MMP10: variants seen among roughly 807,000 people sequenced by gnomAD.
MMP10 encodes stromelysin-2.
A neutral mutation model predicts 49.1 loss-of-function variants in MMP10; 50 were observed. That is an observed-to-expected ratio of 1.02 (90% CI 0.81 to 1.29). MMP10 has a LOEUF of 1.29. Ranked by LOEUF, MMP10 falls within the 50% of genes most tolerant of loss-of-function variation. MMP10 has a pLI of 0.00. For synonymous variants in MMP10, 229 were observed against 201.6 expected, an observed-to-expected ratio of 1.14 and a Z score of -1.15; for missense variants, 613 against 563.8, an observed-to-expected ratio of 1.09 and a Z score of -0.88.
At chr11:102,778,590 T>C (rs1857778363) in intron 4 of MMP10, 34 bp downstream of exon 4, 2 of 1,610,356 alleles carry the variant, frequency 1.2e-6, no homozygotes, top group Middle Eastern at 1.7e-4. Flanking sequence ...TTGGACATTA[T>C]TCCTGAAATG....
chr11:102,771,011 T>C, intron 9 of MMP10, 118 bp from the exon 10 acceptor site: 1 of 649,778 alleles, frequency 1.5e-6, no homozygotes, highest in Non-Finnish European at 2.6e-6. Flanking sequence ...GATTACTCTA[T>C]GCCAAGCACT....
rs760857669 is a variant in MMP10, at chr11:102,778,692, G to T, written c.554C>A (p.Pro185Gln). The T allele has an allele frequency of 3.7e-6, 6 of 1,613,946 alleles. No individual in the cohort carries two copies. The highest frequency in any genetic ancestry group is 1.7e-4 in the Middle Eastern group (1 of 6,058). Residue 185 changes from proline to glutamine, a missense_variant, in exon 4 of 10, where the codon CCA becomes CAA. Coordinates refer to ENST00000279441, the MANE Select transcript of MMP10 (RefSeq NM_002425.3). ...GPGHSLAHAY[P>Q]PGPGLYGDIH... ...ATCTCCATAAAGCCCAGGTCCAGGT[G>T]GGTAGGCATGAGCCAAACTGTGTCC...
chr11:102,779,798 C>A, intron 1 of MMP10, 53 bp from the exon 2 acceptor site: 1 of 1,563,672 alleles, frequency 6.4e-7, no homozygotes. Context: ...ATCATTTATC[C>A]AACTTTTATA....
In MMP10 at chr11:102,779,376, T is replaced by A; in HGVS notation, c.348-15A>T. The A allele has an allele frequency of 6.2e-7, 1 of 1,612,650 alleles. No individual in the cohort carries two copies. Among genetic ancestry groups the A allele is most frequent in the Non-Finnish European group, 8.5e-7 (1 of 1,179,652 alleles). The stretch of plus-strand genomic sequence containing the variant: ...AATTCACAATCCTGGAGGAGAAAAA[T>A]TGAAGAGGATGTTATTTTCTCCTGC... On this transcript the variant is annotated splice_polypyrimidine_tract_variant and intron_variant, in intron 2 of 9. Coordinates refer to ENST00000279441, the MANE Select transcript of MMP10 (RefSeq NM_002425.3).
chr11:102,779,655 T>G lies in MMP10; in HGVS notation c.196A>C (p.Met66Leu), dbSNP rs1565456020. ...SNLIVKKIQGMQKFLGLEVTG... is the reference protein window; with the variant it reads ...SNLIVKKIQGLQKFLGLEVTG... ...ACCTCCAACCCAAGGAACTTCTGCA[T>G]TCCTTGGATTTTTTTAACAATGAGA... The change falls in exon 2 of 10, where the codon ATG becomes CTG. Residue 66 changes from methionine (M) to leucine (L), a missense_variant. Physicochemically the swap from Met to Leu is conservative, Grantham distance 15. Transcript: ENST00000279441. 6.2e-7 allele frequency: 1 copy of G among 1,614,014 alleles called. No individual in the cohort carries two copies. Among genetic ancestry groups the G allele is most frequent in the Non-Finnish European group, 8.5e-7 (1 of 1,179,986 alleles).
Position 102,772,746 on chromosome 11 carries a change from A to G in MMP10, c.1226+101T>C. ...TCATAATCATAAATTTTGAAGTTAGAGAAAGTTAGAGGGTGGGTGTAGGGT... is the reference window on the plus strand; with the variant it reads ...TCATAATCATAAATTTTGAAGTTAGGGAAAGTTAGAGGGTGGGTGTAGGGT... On this transcript the variant is annotated intron_variant, in intron 8 of 9. Coordinates refer to ENST00000279441, the MANE Select transcript of MMP10 (RefSeq NM_002425.3). The surrounding 1 kb of genome is among the most constrained non-coding windows in gnomAD (Gnocchi z 4.4). 8.0e-7 allele frequency: 1 copy of G among 1,243,526 alleles called. No individual in the cohort carries two copies. The highest frequency in any genetic ancestry group is 1.1e-6 in the Non-Finnish European group (1 of 902,172). The allele number at this position is 1,243,526 out of a possible 1,614,324, so 77.0% of individuals were successfully genotyped here. A position where few individuals can be genotyped will look rare whatever the true frequency, so the allele number is the denominator to read the frequency against.
intron 4 of MMP10, among the ~76,000 whole-genome samples, chr11:102,778,105 A>G (rs1857771027): frequency 6.6e-6 from 1 of 152,218 alleles, no homozygotes; most frequent in Non-Finnish European, 1.5e-5. Context: ...TTTCCAAGCC[A>G]ATTTAGGGCG....
rs17435959 is a variant in MMP10 at position 102,780,582 on chromosome 11, G to C, written c.10C>G (p.Leu4Val). The change falls in exon 1 of 10, where the codon CTT (leucine) becomes GTT (valine). Residue 4 changes from leucine to valine, a missense_variant. Coordinates refer to ENST00000279441, the MANE Select transcript of MMP10 (RefSeq NM_002425.3). MMH[L>V]AFLVLLCLPV... ...AGACACAACAGCACAAGGAATGCAA[G>C]ATGCATCATTCTCACTGCCCTTACC... 0.041 allele frequency: 66,825 copies of C among 1,613,382 alleles called. 2,113 individuals are homozygous for C. The highest frequency in any genetic ancestry group is 0.16 in the African/African-American group (12,167 of 74,972).
chr11:102,775,123 C>G, intron 7 of MMP10, 65 bp downstream of exon 7: 1 of 1,268,394 alleles, frequency 7.9e-7, no homozygotes, highest in Non-Finnish European at 1.0e-6. Flanking sequence ...GGATAAAACT[C>G]ATGTCAATAA....
Position 102,776,284 on chromosome 11 carries a change from C to G in MMP10, c.928G>C (p.Asp310His), listed in dbSNP as rs1229689684. The change falls in exon 6 of 10, where the codon GAC becomes CAC. Residue 310 changes from aspartate to histidine, a missense_variant. Physicochemically the swap from Asp to His is moderately conservative, Grantham distance 81. Coordinates refer to ENST00000279441, the MANE Select transcript of MMP10 (RefSeq NM_002425.3). ...TLRGEYLFFK[D>H]RYFWRRSHWN... The stretch of plus-strand genomic sequence containing the variant: ...AATATAATTTTCTGGTCTGACCTGT[C>G]TTTAAAGAACAGATATTCTCCCCTC... 2 of 1,613,190 alleles carry G rather than the reference C, an allele frequency of 1.2e-6. No individual in the cohort carries two copies. The highest frequency in any genetic ancestry group is 4.5e-5 in the East Asian group (2 of 44,880).
chr11:102,776,910 A>G (rs1297824993), intron 4 of MMP10, 134 bp from the exon 5 acceptor site: 2 of 991,994 alleles, frequency 2.0e-6, no homozygotes, highest in African/African-American at 3.3e-5. Flanking sequence ...TGGTTCATTG[A>G]TTGGCACATT....
chr11:102,771,056 C>A (rs1477089824), intron 9 of MMP10, among the ~76,000 whole-genome samples, 163 bp from the exon 10 acceptor site: 3 of 152,068 alleles, frequency 2.0e-5, no homozygotes, highest in Non-Finnish European at 4.4e-5. Context: ...TCTCAATTAC[C>A]CTTACAAAAA....
intron 6 of MMP10, 125 bp from the exon 7 acceptor site, chr11:102,775,446 A>C: frequency 1.5e-6 from 1 of 662,052 alleles, no homozygotes; most frequent in Non-Finnish European, 2.4e-6. Flanking sequence ...ATCCTCCTGC[A>C]TGTGATTCCA....
Position 102,778,605 on chromosome 11 carries a change from C to T in MMP10, c.622+19G>A, listed in dbSNP as rs17860957. The T allele has an allele frequency of 7.1e-4, 1,142 of 1,612,028 alleles. 3 individuals carry two copies. The African/African-American group carries it at 0.012, about 17-fold the overall frequency. On this transcript the variant is annotated intron_variant, in intron 4 of 9. Transcript: ENST00000279441. ...TTGGACATTATTCCTGAAATGTTCC[C>T]GAGAGGTTTACGACCCACCTGATGC...
chr11:102,778,579 A>T (rs1468576413), intron 4 of MMP10, 45 bp downstream of exon 4: 3 of 1,606,642 alleles, frequency 1.9e-6, no homozygotes, highest in African/African-American at 2.7e-5. Context: ...TTTGGGTAGG[A>T]TTGGACATTA....
chr11:102,776,927 T>C (rs1857749816), intron 4 of MMP10, 151 bp from the exon 5 acceptor site: 1 of 911,936 alleles, frequency 1.1e-6, no homozygotes, highest in African/African-American at 1.7e-5. Context: ...CATTCCATAC[T>C]TTATAGAAAT....
At chr11:102,776,797 T>C (rs370921188) in intron 4 of MMP10, 21 bp from the exon 5 acceptor site, 3 of 1,613,676 alleles carry the variant, frequency 1.9e-6, no homozygotes, top group Non-Finnish European at 2.5e-6. Context: ...ATCATAAATG[T>C]TCAGAATTCA....
chr11:102,771,969 G>T, intron 9 of MMP10, 43 bp downstream of exon 9: 1 of 1,121,080 alleles, frequency 8.9e-7, no homozygotes, highest in African/African-American at 2.4e-5. Flanking sequence ...TCATAAAAAT[G>T]CCTGGAGATT....
In MMP10 at chr11:102,779,711, T is replaced by C; in HGVS notation, c.140A>G (p.Asp47Gly). Residue 47 changes from aspartate (D) to glycine (G), a missense_variant, in exon 2 of 10, where the codon GAT becomes GGT. Coordinates refer to ENST00000279441, the MANE Select transcript of MMP10 (RefSeq NM_002425.3). ...YLEKYYNLEK[D>G]VKQFRRKDSN... Reference sequence around the variant, plus strand: ...GTCCTTTCTTCTAAACTGTTTCACATCCTTTTCGAGGTTGTAGTACTTTTC... The same window carrying C: ...GTCCTTTCTTCTAAACTGTTTCACACCCTTTTCGAGGTTGTAGTACTTTTC... 6.2e-7 allele frequency: 1 copy of C among 1,613,954 alleles called. No individual in the cohort carries two copies. The highest frequency in any genetic ancestry group is 1.1e-5 in the South Asian group (1 of 91,068).
Sources: gnomAD v4.1 joint callset for allele counts (sites outside exome capture counted in the v4.1 genomes callset) on GRCh38, gnomAD v4.1.1 for gene constraint, Gnocchi (gnomAD v3.1) non-coding constraint, MANE v1.5 for transcripts, NCBI Gene and HGNC (gene_info 2026-07-23, HGNC 2026-07-21) for gene names.